The following FBXL17 variants were observed in gnomAD, a reference collection of about 807,000 sequenced individuals.
FBXL17 encodes the protein F-box and leucine rich repeat protein 17, also known as F-box/LRR-repeat protein 17.
A neutral mutation model predicts 66.2 loss-of-function variants in FBXL17; 22 were observed. The observed-to-expected ratio is 0.33, with a 90% CI of 0.24 to 0.47. FBXL17 has a LOEUF of 0.47. Ranked by LOEUF, FBXL17 falls within the 20% of genes least tolerant of loss-of-function variation. The pLI, the probability that FBXL17 is intolerant of heterozygous loss-of-function variation, is 1.00. For missense variants in FBXL17, 878 were observed against 948.2 expected (o/e 0.93, Z 0.97); for synonymous variants, 474 against 400.5 (o/e 1.18, Z -2.19).
chr5:107,903,031 AT>A (rs910451470), intron 7 of FBXL17, among the ~76,000 whole-genome samples: 4 of 152,164 alleles, frequency 2.6e-5, no homozygotes, highest in African/African-American at 9.7e-5. Flanking sequence ...TGTGTATTTC[AT>A]CAACCTCTAT....
chr5:108,094,531 A>G (rs1749300135), intron 6 of FBXL17, among the ~76,000 whole-genome samples: 1 of 152,108 alleles, frequency 6.6e-6, no homozygotes, highest in Non-Finnish European at 1.5e-5. Flanking sequence ...GAATACTGAA[A>G]CTATTTTTAA....
intron 7 of FBXL17, among the ~76,000 whole-genome samples, chr5:107,904,003 T>C (rs56240055): frequency 0.02 from 3,060 of 152,294 alleles, 117 homozygotes; most frequent in African/African-American, 0.07. Flanking sequence ...TACATATTTA[T>C]GAGAATTACA....
intron 6 of FBXL17, among the ~76,000 whole-genome samples, chr5:108,075,317 T>TA (rs1419674546): frequency 1.3e-5 from 2 of 152,218 alleles, no homozygotes; most frequent in Non-Finnish European, 2.9e-5. Flanking sequence ...TTCCTCTAAC[T>TA]AACACAAAAT....
At chr5:108,347,056 C>A (rs563309329) in intron 4 of FBXL17, among the ~76,000 whole-genome samples, 2 of 152,282 alleles carry the variant, frequency 1.3e-5, no homozygotes, top group Admixed American at 6.5e-5. Context: ...TTTTCAAATA[C>A]AGACATGCAT....
chr5:108,360,643 G>C (rs931226478), intron 3 of FBXL17, among the ~76,000 whole-genome samples: 2 of 152,072 alleles, frequency 1.3e-5, no homozygotes, highest in African/African-American at 4.8e-5. Context: ...AATTTCGGAA[G>C]TTTGGGCCAT....
chr5:108,373,525 T>G (rs932508240), intron 1 of FBXL17, among the ~76,000 whole-genome samples: 3 of 151,528 alleles, frequency 2.0e-5, no homozygotes, highest in African/African-American at 7.3e-5. Flanking sequence ...ACAAAAAATA[T>G]ATAAGACATA....
intron 7 of FBXL17, among the ~76,000 whole-genome samples, chr5:107,905,472 G>T (rs1447593295): frequency 6.6e-6 from 1 of 152,078 alleles, no homozygotes; most frequent in Non-Finnish European, 1.5e-5. Context: ...AAAACAAGGT[G>T]TATGGGATAC....
intron 6 of FBXL17, among the ~76,000 whole-genome samples, chr5:108,147,025 C>T (rs1751587800): frequency 6.6e-6 from 1 of 152,218 alleles, no homozygotes; most frequent in East Asian, 1.9e-4. Flanking sequence ...CTTGCTGTTG[C>T]ATCCTCACAT....
At chr5:108,133,449 G>A (rs1751013700) in intron 6 of FBXL17, among the ~76,000 whole-genome samples, 1 of 152,094 alleles carries the variant, frequency 6.6e-6, no homozygotes, top group African/African-American at 2.4e-5. Context: ...GAAATTATGA[G>A]AGAAATCTTA....
intron 7 of FBXL17, among the ~76,000 whole-genome samples, chr5:108,005,296 C>A (rs1396594113): frequency 6.6e-6 from 1 of 152,140 alleles, no homozygotes; most frequent in East Asian, 1.9e-4. Context: ...GAGGCCAGGA[C>A]TGGCTGGTCC....
At chr5:108,098,884 TATC>T (rs990781434) in intron 6 of FBXL17, among the ~76,000 whole-genome samples, 4 of 152,164 alleles carry the variant, frequency 2.6e-5, no homozygotes, top group Non-Finnish European at 5.9e-5. Context: ...TACATGTTGA[TATC>T]ATGTTTATCA....
chr5:108,238,078 T>TA (rs1755685766), intron 4 of FBXL17, among the ~76,000 whole-genome samples: 1 of 152,212 alleles, frequency 6.6e-6, no homozygotes, highest in Non-Finnish European at 1.5e-5. Context: ...GTATACCTAC[T>TA]ATTAATGCAC....
chr5:108,236,372 G>C (rs1315431924), intron 4 of FBXL17, among the ~76,000 whole-genome samples: 3 of 151,900 alleles, frequency 2.0e-5, no homozygotes, highest in Non-Finnish European at 2.9e-5. Context: ...AATTAGCCGG[G>C]CGTGGTGGCA....
chr5:108,015,247 A>C (rs1561368591), intron 7 of FBXL17, among the ~76,000 whole-genome samples: 1 of 152,218 alleles, frequency 6.6e-6, no homozygotes, highest in Admixed American at 6.5e-5. Flanking sequence ...GCATAGATTT[A>C]GCAATTTAGT....
chr5:107,861,907 C>A (rs763756923), intron 8 of FBXL17, 47 bp from the exon 9 acceptor site: 1 of 1,426,540 alleles, frequency 7.0e-7, no homozygotes, highest in East Asian at 2.6e-5. Context: ...CCACCAACAC[C>A]ACGCCGCTGC....
chr5:108,336,686 A>G (rs1198756554), intron 4 of FBXL17, among the ~76,000 whole-genome samples: 1 of 152,142 alleles, frequency 6.6e-6, no homozygotes, highest in East Asian at 1.9e-4. Flanking sequence ...TTAAGAAATC[A>G]TTTTCTAAAA....
chr5:108,188,382 A>G (rs1325102263), intron 5 of FBXL17, among the ~76,000 whole-genome samples: 1 of 152,208 alleles, frequency 6.6e-6, no homozygotes, highest in Non-Finnish European at 1.5e-5. Flanking sequence ...GGTTGTAGGC[A>G]TTAGTAAAGG....
At chr5:108,217,479 A>T (rs1057417808) in intron 5 of FBXL17, among the ~76,000 whole-genome samples, 1 of 151,924 alleles carries the variant, frequency 6.6e-6, no homozygotes, top group East Asian at 1.9e-4. Context: ...TATCAATTTC[A>T]TCTATCTTAT....
At chr5:107,911,096 G>C (rs1482046435) in intron 7 of FBXL17, among the ~76,000 whole-genome samples, 2 of 152,076 alleles carry the variant, frequency 1.3e-5, no homozygotes, top group Non-Finnish European at 2.9e-5. Flanking sequence ...GAATAAGTAA[G>C]ATAATTCTAA....
Sources: gnomAD v4.1 joint callset for allele counts (sites outside exome capture counted in the v4.1 genomes callset) on GRCh38, gnomAD v4.1.1 for gene constraint, MANE v1.5 for transcripts, NCBI Gene and HGNC (gene_info 2026-07-23, HGNC 2026-07-21) for gene names.